FBLN2: variants seen among roughly 807,000 people sequenced by gnomAD.
FBLN2 encodes fibulin-2.
A neutral mutation model predicts 123.7 loss-of-function variants in FBLN2; 81 were observed. The ratio of observed to expected loss-of-function variants is 0.65; its 90% confidence interval spans 0.55 to 0.79. The LOEUF (loss-of-function observed/expected upper bound fraction) is 0.79, where lower values mean the gene tolerates loss of function less well. Among genes scored for constraint, FBLN2 ranks in the 30% least tolerant of loss-of-function variants. FBLN2 has a pLI of 0.00. For missense variants in FBLN2, 1,603 were observed against 1,681.3 expected, an observed-to-expected ratio of 0.95 and a Z score of 0.81; for synonymous variants, 699 against 701.4, an observed-to-expected ratio of 1.00 and a Z score of 0.05.
chr3:13,635,398 A>ACC (rs1307431867), intron 16 of FBLN2, among the ~76,000 whole-genome samples: 2 of 149,004 alleles, frequency 1.3e-5, no homozygotes, highest in African/African-American at 4.9e-5. Context: ...ACACACACAC[A>ACC]CCCACACACA....
Position 13,606,059 on chromosome 3 carries a change from C to T in FBLN2, c.1307-2003C>T, listed in dbSNP as rs141266702. 3.6e-4 allele frequency among the ~76,000 whole-genome samples: 55 copies of T among 152,304 alleles called. No individual in the cohort carries two copies. In the East Asian group the frequency reaches 6.0e-3, roughly 17 times the overall value. On this transcript the variant is annotated intron_variant, in intron 2 of 17. Coordinates refer to ENST00000404922, the MANE Select transcript of FBLN2 (RefSeq NM_001004019.2). ...AAGCCATCCTCCCACCCCAGCTTCCCGAGTAGCTAGGCTAACTTTTTGTGG... is the reference window on the plus strand; with the variant it reads ...AAGCCATCCTCCCACCCCAGCTTCCTGAGTAGCTAGGCTAACTTTTTGTGG...
At chr3:13,586,415 C>T (rs1007669276) in intron 2 of FBLN2, among the ~76,000 whole-genome samples, 1 of 151,544 alleles carries the variant, frequency 6.6e-6, no homozygotes, top group African/African-American at 2.4e-5. Context: ...GAACTCCTGA[C>T]CTCGTGATCC....
chr3:13,580,721 A>T (rs1361878912), intron 2 of FBLN2, among the ~76,000 whole-genome samples: 1 of 152,218 alleles, frequency 6.6e-6, no homozygotes, highest in East Asian at 1.9e-4. Context: ...CATTCTCGCT[A>T]AACCAATGTT....
intron 5 of FBLN2, 34 bp downstream of exon 5, chr3:13,614,198 G>A (rs1351077603): frequency 6.3e-7 from 1 of 1,594,244 alleles, no homozygotes; most frequent in Admixed American, 1.7e-5. Context: ...GCGGCATATA[G>A]GGCGAAGGCT....
rs1056231103 is a variant in FBLN2 at position 13,613,837 on chromosome 3, A to T, written c.1549-147A>T. On this transcript the variant is annotated intron_variant, in intron 4 of 17. Transcript: ENST00000404922. Reference sequence around the variant, plus strand: ...TGTGCCAGACTTGGGAAATAGAGGCAGAGGACCCCTCTGCCCTGGGAGAGC... The same window carrying T: ...TGTGCCAGACTTGGGAAATAGAGGCTGAGGACCCCTCTGCCCTGGGAGAGC... 3 of 788,524 alleles carry T rather than the reference A, an allele frequency of 3.8e-6. No individual in the cohort carries two copies. The East Asian group carries it at 8.3e-5, about 22-fold the overall frequency. The allele number at this position is 788,524 out of a possible 1,614,324, so 48.8% of individuals were successfully genotyped here.
intron 2 of FBLN2, among the ~76,000 whole-genome samples, chr3:13,589,394 C>T (rs371543326): frequency 1.3e-5 from 2 of 152,152 alleles, no homozygotes; most frequent in East Asian, 3.9e-4. Context: ...GCCCCTCCCA[C>T]CCATGTTGTT....
At chr3:13,625,586 C>G (rs903191197) in intron 9 of FBLN2, among the ~76,000 whole-genome samples, 7 of 152,010 alleles carry the variant, frequency 4.6e-5, no homozygotes, top group Non-Finnish European at 1.0e-4. Flanking sequence ...TGCCACCTGT[C>G]CAGCTGCTTG....
rs570174991 is a variant in FBLN2, at chr3:13,638,133, G to T, written c.*214G>T. The T allele has an allele frequency of 2.1e-4, 135 of 657,314 alleles. No homozygotes were observed. The East Asian group carries it at 3.6e-3, about 18-fold the overall frequency. 40.7% of individuals were successfully genotyped at this position (657,314 alleles called of 1,614,324 possible). ...CCACGCAGGCACCAAGTGGAAGCTT[G>T]CACGGTGGGCCACGGCCGTGGCGGG... On this transcript the variant is annotated 3_prime_UTR_variant, in exon 18 of 18. Coordinates refer to ENST00000404922, the MANE Select transcript of FBLN2 (RefSeq NM_001004019.2).
intron 2 of FBLN2, among the ~76,000 whole-genome samples, chr3:13,595,756 A>C (rs1704822038): frequency 6.6e-6 from 1 of 152,232 alleles, no homozygotes; most frequent in Non-Finnish European, 1.5e-5. Context: ...TAGAGCGGTC[A>C]TGACCTCTGC....
chr3:13,604,090 T>C (rs538595661), intron 2 of FBLN2, among the ~76,000 whole-genome samples: 1 of 152,218 alleles, frequency 6.6e-6, no homozygotes, highest in Non-Finnish European at 1.5e-5. Flanking sequence ...GGTTGTTTGA[T>C]TTTTTCTTGT....
intron 9 of FBLN2, among the ~76,000 whole-genome samples, chr3:13,624,894 T>C (rs1705978125): frequency 6.6e-6 from 1 of 152,280 alleles, no homozygotes; most frequent in Non-Finnish European, 1.5e-5. Flanking sequence ...CCTTCCACAC[T>C]GGCTTAGCGC....
intron 5 of FBLN2, among the ~76,000 whole-genome samples, chr3:13,617,138 T>TCCATC (rs1559420946): frequency 5.8e-5 from 6 of 102,712 alleles, no homozygotes; most frequent in African/African-American, 4.0e-4. Context: ...GCCCATCCAT[T>TCCATC]CATCAATCCA....
chr3:13,573,459 C>T (rs141348531), intron 2 of FBLN2, among the ~76,000 whole-genome samples: 139 of 152,290 alleles, frequency 9.1e-4, no homozygotes, highest in African/African-American at 3.1e-3. Context: ...TATCACTGCT[C>T]AGAACATCAC....
intron 1 of FBLN2, among the ~76,000 whole-genome samples, chr3:13,555,232 G>A (rs1451477521): frequency 9.2e-5 from 14 of 152,024 alleles, no homozygotes; most frequent in African/African-American, 1.9e-4. Context: ...GATTACAGGC[G>A]TGAGCCACTG....
At chr3:13,635,764 G>A (rs761043276) in intron 16 of FBLN2, among the ~76,000 whole-genome samples, 12 of 152,256 alleles carry the variant, frequency 7.9e-5, no homozygotes, top group Non-Finnish European at 1.3e-4. Flanking sequence ...CTGGGCACTG[G>A]GGACAGCATG....
At chr3:13,617,905 TCCACCCATCCAC>T (rs2124892725) in intron 5 of FBLN2, among the ~76,000 whole-genome samples, 159 bp from the exon 6 acceptor site, 1 of 145,984 alleles carries the variant, frequency 6.9e-6, no homozygotes, top group Non-Finnish European at 1.5e-5. Context: ...CATCCATCTA[TCCACCCATCCAC>T]CCACCCACCC....
intron 10 of FBLN2, 86 bp from the exon 11 acceptor site, chr3:13,627,746 T>C: frequency 6.8e-7 from 1 of 1,462,202 alleles, no homozygotes; most frequent in Non-Finnish European, 9.1e-7. Context: ...GTCATGGGTC[T>C]GAGGGCGGGG....
intron 2 of FBLN2, among the ~76,000 whole-genome samples, chr3:13,606,592 A>G (rs1396871482): frequency 6.6e-6 from 1 of 152,246 alleles, no homozygotes; most frequent in African/African-American, 2.4e-5. Flanking sequence ...GTTGACAGGA[A>G]GCCTTACTGA....
intron 2 of FBLN2, among the ~76,000 whole-genome samples, chr3:13,578,903 A>C (rs1212161888): frequency 2.0e-5 from 3 of 151,870 alleles, no homozygotes; most frequent in Admixed American, 6.6e-5. Flanking sequence ...AAAAATAAAA[A>C]AATTAGCCGG....
Sources: allele counts gnomAD v4.1 joint callset (sites outside exome capture counted in the v4.1 genomes callset), GRCh38; gene constraint gnomAD v4.1.1; transcripts MANE v1.5; gene names NCBI Gene and HGNC (gene_info 2026-07-23, HGNC 2026-07-21).